TUSC3: variants seen among roughly 807,000 people sequenced by gnomAD.
The protein encoded by TUSC3 is dolichyl-diphosphooligosaccharide--protein glycosyltransferase subunit TUSC3.
Under a neutral mutation model 44.8 loss-of-function variants are expected in TUSC3, and 45 were observed. The observed-to-expected ratio is 1.00, with a 90% CI of 0.79 to 1.29. The LOEUF (loss-of-function observed/expected upper bound fraction) is 1.29. Ranked by LOEUF, TUSC3 falls within the 50% of genes most tolerant of loss-of-function variation. The pLI, the probability that TUSC3 is intolerant of heterozygous loss-of-function variation, is 0.00. For missense variants in TUSC3, 519 were observed against 437.9 expected, an observed-to-expected ratio of 1.19 and a Z score of -1.65; for synonymous variants, 212 against 152.9, an observed-to-expected ratio of 1.39 and a Z score of -2.85.
chr8:15,513,960 G>T (rs1801177289), intron 2 of TUSC3, among the ~76,000 whole-genome samples: 1 of 151,754 alleles, frequency 6.6e-6, no homozygotes, highest in Non-Finnish European at 1.5e-5. Flanking sequence ...CCACCTTCAT[G>T]CTCTCAGCTC....
At chr8:15,590,377 G>C (rs1803776367) in intron 1 of TUSC3, among the ~76,000 whole-genome samples, 1 of 152,018 alleles carries the variant, frequency 6.6e-6, no homozygotes, top group African/African-American at 2.4e-5. Flanking sequence ...CCAAGCTTTA[G>C]GCCATCATGC....
rs929939577 is a variant in TUSC3 at position 15,458,866 on chromosome 8, C to G, written n.92-24520C>G. On this transcript the variant is annotated intron_variant and non_coding_transcript_variant, in intron 1 of 5. Transcript: ENST00000503191. The stretch of plus-strand genomic sequence containing the variant: ...AAAGCTGTCTTGGATTTTAGCTTTA[C>G]AGGTGGCAAAGTATTAATATGTAAG... Among the ~76,000 whole-genome samples the G allele has an allele frequency of 3.3e-5, 5 of 152,158 alleles. No individual in the cohort carries two copies. The East Asian group carries it at 9.6e-4, about 29-fold the overall frequency.
chr8:15,692,166 TA>T (rs1808929746), intron 6 of TUSC3, among the ~76,000 whole-genome samples: 1 of 152,184 alleles, frequency 6.6e-6, no homozygotes, highest in African/African-American at 2.4e-5. Context: ...ATACCAGGGA[TA>T]AAGACTACTT....
the TUSC3 span, among the ~76,000 whole-genome samples, chr8:15,790,354 TTTTTAC>T: frequency 2.0e-5 from 3 of 151,866 alleles, no homozygotes; most frequent in Non-Finnish European, 4.4e-5. Flanking sequence ...CTCAGCTAAT[TTTTTAC>T]TTTTAGTAGA....
Position 15,424,607 on chromosome 8 carries a change from G to C in TUSC3, n.91+7302G>C, listed in dbSNP as rs962188897. On this transcript the variant is annotated intron_variant and non_coding_transcript_variant, in intron 1 of 5. Transcript: ENST00000503191. Reference sequence around the variant, plus strand: ...ATTAAAAAATCGTTAGTGGCTGGATGCGGTGGCTTACGCCTGTAATCCCAG... The same window carrying C: ...ATTAAAAAATCGTTAGTGGCTGGATCCGGTGGCTTACGCCTGTAATCCCAG... 9.9e-5 allele frequency among the ~76,000 whole-genome samples: 15 copies of C among 152,184 alleles called. 1 individual carries two copies. Among genetic ancestry groups the C allele is most frequent in the Admixed American group, 7.2e-4 (11 of 15,274 alleles).
At chr8:15,581,705 C>G (rs1054715888) in intron 1 of TUSC3, among the ~76,000 whole-genome samples, 12 of 141,682 alleles carry the variant, frequency 8.5e-5, no homozygotes, top group African/African-American at 2.8e-4. Flanking sequence ...GCTGGGAGAA[C>G]CACTGCTCTC....
intron 1 of TUSC3, among the ~76,000 whole-genome samples, chr8:15,551,716 C>T (rs1020682144): frequency 2.0e-5 from 3 of 151,642 alleles, no homozygotes; most frequent in Non-Finnish European, 2.9e-5. Context: ...TCATTACTGC[C>T]GGTCTCTTGT....
chr8:15,833,830 G>A, the TUSC3 span, among the ~76,000 whole-genome samples: 1 of 111,852 alleles, frequency 8.9e-6, no homozygotes, highest in Non-Finnish European at 2.0e-5. Flanking sequence ...ATGTACCCCT[G>A]AACTTAAAAG....
At position 15,445,341 on chromosome 8, in the gene TUSC3, A is replaced by G. The variant is rs1294669471; in HGVS notation, n.91+28036A>G. ...TTTTTTTTTTTTTTAGTATTTATTG[A>G]TCATTATTGGGTGTTTCTCAGAGAG... On this transcript the variant is annotated intron_variant and non_coding_transcript_variant, in intron 1 of 5. Transcript: ENST00000503191. Among the ~76,000 whole-genome samples the G allele has an allele frequency of 2.0e-5, 3 of 150,084 alleles. No individual in the cohort carries two copies. In the East Asian group the frequency reaches 5.9e-4, roughly 29 times the overall value.
the TUSC3 span, among the ~76,000 whole-genome samples, chr8:15,796,273 CAT>C: frequency 5.3e-4 from 80 of 152,246 alleles, no homozygotes; most frequent in African/African-American, 1.8e-3. Flanking sequence ...AAAACAGACT[CAT>C]GTGGTGTATC....
At chr8:15,807,782 T>G in the TUSC3 span, among the ~76,000 whole-genome samples, 1 of 152,202 alleles carries the variant, frequency 6.6e-6, no homozygotes, top group Non-Finnish European at 1.5e-5. Flanking sequence ...AAATACTGCA[T>G]GTTCTCATTT....
At chr8:15,587,768 C>T (rs1457304419) in intron 1 of TUSC3, among the ~76,000 whole-genome samples, 1 of 152,060 alleles carries the variant, frequency 6.6e-6, no homozygotes, top group African/African-American at 2.4e-5. Flanking sequence ...ATTCTACTCT[C>T]TACTAGTATG....
At chr8:15,433,695 C>T (rs1339554080) in intron 1 of TUSC3, among the ~76,000 whole-genome samples, 1 of 152,148 alleles carries the variant, frequency 6.6e-6, no homozygotes, top group East Asian at 1.9e-4. Flanking sequence ...TGGAGCCATA[C>T]AGCACATACT....
At chr8:15,518,821 G>T (rs7813760) in intron 2 of TUSC3, among the ~76,000 whole-genome samples, 19,935 of 152,022 alleles carry the variant, frequency 0.13, 2,026 homozygotes, top group African/African-American at 0.28. Flanking sequence ...AACACAAATT[G>T]TATGCTCAAA....
At chr8:15,596,620 A>G (rs34084779) in intron 1 of TUSC3, among the ~76,000 whole-genome samples, 63,175 of 151,750 alleles carry the variant, frequency 0.42, 14,387 homozygotes, top group East Asian at 0.53. Flanking sequence ...TTTTAACACT[A>G]TTATTATGTT....
In TUSC3 at chr8:15,581,577, G is replaced by A. The variant is rs1401014803; in HGVS notation, c.138+41009G>A. On this transcript the variant is annotated intron_variant, in intron 1 of 10. Transcript: ENST00000503731. ...TGCAGGTCTGTTGGAATACCCTGCA[G>A]TGTGAGGTGTCAGTGTGCCCCTGCT... Among the ~76,000 whole-genome samples the A allele has an allele frequency of 1.4e-3, 203 of 148,912 alleles. 2 individuals carry two copies. The highest frequency in any genetic ancestry group is 4.1e-3 in the African/African-American group (163 of 39,450).
intron 2 of TUSC3, among the ~76,000 whole-genome samples, chr8:15,508,246 A>G (rs80201809): frequency 0.036 from 5,539 of 152,100 alleles, 325 homozygotes; most frequent in African/African-American, 0.12. Flanking sequence ...TCTAACAACA[A>G]TGACAACAAA....
intron 6 of TUSC3, among the ~76,000 whole-genome samples, chr8:15,677,050 G>A (rs1211915199): frequency 6.6e-6 from 1 of 151,732 alleles, no homozygotes; most frequent in African/African-American, 2.4e-5. Context: ...ATAGAGTTAG[G>A]GTCTCACTCT....
intron 6 of TUSC3, among the ~76,000 whole-genome samples, chr8:15,727,601 A>C (rs1810549567): frequency 6.6e-6 from 1 of 152,196 alleles, no homozygotes; most frequent in Admixed American, 6.5e-5. Context: ...AAAGAAGTAC[A>C]AAAGTCAAAT....
Sources: allele counts gnomAD v4.1 joint callset (sites outside exome capture counted in the v4.1 genomes callset), GRCh38; gene constraint gnomAD v4.1.1; transcripts MANE v1.5; gene names NCBI Gene and HGNC (gene_info 2026-07-23, HGNC 2026-07-21).